Variants in GRIN2B observed in about 807,000 individuals in gnomAD.
The protein encoded by GRIN2B is glutamate receptor ionotropic, NMDA 2B.
In GRIN2B, 5 loss-of-function variants were observed where a neutral mutation model predicts 114.5. The observed-to-expected ratio is 0.04, with a 90% CI of 0.02 to 0.09. GRIN2B has a LOEUF of 0.09. Ranked by LOEUF, GRIN2B falls within the 10% of genes least tolerant of loss-of-function variation. The pLI is 1.00. For synonymous variants in GRIN2B, 787 were observed against 745.1 expected (o/e 1.06, Z -0.92); for missense variants, 1,108 against 1,943.5 (o/e 0.57, Z 8.08).
At chr12:13,935,930 T>C (rs974338018) in intron 2 of GRIN2B, among the ~76,000 whole-genome samples, 25 of 152,160 alleles carry the variant, frequency 1.6e-4, no homozygotes, top group African/African-American at 5.8e-4. Context: ...GAGCCCATAA[T>C]CATCCTGGCT....
intron 4 of GRIN2B, among the ~76,000 whole-genome samples, chr12:13,737,872 T>C (rs1863213228): frequency 6.6e-6 from 1 of 152,256 alleles, no homozygotes; most frequent in Non-Finnish European, 1.5e-5. Context: ...TTCCAAGTGT[T>C]TAATCAGATA....
rs1323847688 is a variant in GRIN2B at position 13,547,975 on chromosome 12, A to ATTTT, written c.*14807_*14808insAAAA. 1.4e-4 allele frequency: 7 copies of ATTTT among 49,852 alleles called. No homozygotes were observed. Among genetic ancestry groups the ATTTT allele is most frequent in the African/African-American group, 3.0e-4 (5 of 16,930 alleles). 3.1% of individuals were successfully genotyped at this position (49,852 alleles called of 1,614,324 possible). On this transcript the variant is annotated 3_prime_UTR_variant, in exon 14 of 14. Coordinates refer to ENST00000609686, the MANE Select transcript of GRIN2B (RefSeq NM_000834.5). ...TATGTGTGTGTATATATATATATAT[A>ATTTT]TATATATTTTTTTTTTTTTTCTGAA...
rs568738777 is a variant in GRIN2B, at chr12:13,943,058, G to T, written c.-19+36870C>A. Among the ~76,000 whole-genome samples, 19 of 152,162 alleles carry T rather than the reference G, an allele frequency of 1.2e-4. 1 individual carries two copies. The highest frequency in any genetic ancestry group is 3.4e-3 in the Middle Eastern group (1 of 294). On this transcript the variant is annotated intron_variant, in intron 2 of 13. Coordinates refer to ENST00000609686, the MANE Select transcript of GRIN2B (RefSeq NM_000834.5). ...GGGGTGGAGCAAGGGATGCCACAGG[G>T]AATTAGGGGACCTGACTTCTAGCCT...
Position 13,551,899 on chromosome 12 carries a change from C to G in GRIN2B, c.*10884G>C, listed in dbSNP as rs942856483. 1 of 151,998 alleles carries G rather than the reference C, an allele frequency of 6.6e-6. No individual in the cohort carries two copies. Among genetic ancestry groups the G allele is most frequent in the Non-Finnish European group, 1.5e-5 (1 of 67,994 alleles). The allele number at this position is 151,998 out of a possible 1,614,324, so 9.4% of individuals were successfully genotyped here. A position where few individuals can be genotyped will look rare whatever the true frequency, so the allele number is the denominator to read the frequency against. On this transcript the variant is annotated 3_prime_UTR_variant, in exon 14 of 14. Transcript: ENST00000609686. ...AAAATCAATTACAATTAAAATGTGA[C>G]AATGACAGTTAACTGCAAGACTGTT...
intron 3 of GRIN2B, among the ~76,000 whole-genome samples, chr12:13,834,214 T>TG (rs1473526873): frequency 6.8e-6 from 1 of 148,056 alleles, no homozygotes; most frequent in East Asian, 2.0e-4. Context: ...TTTTTTTTTT[T>TG]TTTTAGTAGA....
In GRIN2B at chr12:13,550,887, G is replaced by A. The variant is rs1036205001; in HGVS notation, c.*11896C>T. 5.3e-5 allele frequency: 8 copies of A among 152,158 alleles called. No individual in the cohort carries two copies. Among genetic ancestry groups the A allele is most frequent in the Non-Finnish European group, 8.8e-5 (6 of 68,028 alleles). 9.4% of individuals were successfully genotyped at this position (152,158 alleles called of 1,614,324 possible). On this transcript the variant is annotated 3_prime_UTR_variant, in exon 14 of 14. Transcript: ENST00000609686. Reference sequence around the variant, plus strand: ...GCTGCTCAGAGTCAACTCAGGATAAGTATACCTCAAGATGAATAAATTGAG... The same window carrying A: ...GCTGCTCAGAGTCAACTCAGGATAAATATACCTCAAGATGAATAAATTGAG...
intron 2 of GRIN2B, among the ~76,000 whole-genome samples, chr12:13,903,905 A>C (rs1866498069): frequency 1.3e-5 from 2 of 152,162 alleles, no homozygotes; most frequent in South Asian, 4.1e-4. Flanking sequence ...TAAGATGTTT[A>C]CATTATAATC....
rs1182106568 is a variant in GRIN2B, at chr12:13,615,110, T to TTACC, written c.1654_1654+3dup. The TTACC allele has an allele frequency of 9.9e-6, 16 of 1,611,522 alleles. No homozygotes were observed. Among genetic ancestry groups the TTACC allele is most frequent in the Non-Finnish European group, 1.3e-5 (15 of 1,177,738 alleles). On this transcript the variant is annotated splice_donor_region_variant and intron_variant, in intron 8 of 13. Coordinates refer to ENST00000609686, the MANE Select transcript of GRIN2B (RefSeq NM_000834.5). The surrounding 1 kb of genome is among the most constrained non-coding windows in gnomAD (Gnocchi z 5.8). The stretch of plus-strand genomic sequence containing the variant: ...TTCCTTCCACCAGCAAACCCATCAT[T>TTACC]TACCTAAGAAGGCAGAAGGTGAGAC...
intron 3 of GRIN2B, among the ~76,000 whole-genome samples, chr12:13,788,019 G>A (rs965955067): frequency 1.3e-5 from 2 of 152,170 alleles, no homozygotes; most frequent in Admixed American, 6.5e-5. Context: ...TGGAGCCCTC[G>A]TGAACCTTAA....
chr12:13,887,086 C>T (rs1299754847), intron 2 of GRIN2B, among the ~76,000 whole-genome samples: 2 of 152,142 alleles, frequency 1.3e-5, no homozygotes, highest in East Asian at 3.9e-4. Context: ...CTCTTAATCA[C>T]TACCCTATAT....
intron 3 of GRIN2B, among the ~76,000 whole-genome samples, chr12:13,819,636 T>A (rs983001752): frequency 6.6e-6 from 1 of 152,146 alleles, no homozygotes; most frequent in Admixed American, 6.5e-5. Flanking sequence ...CACATAAACA[T>A]TTCTCCCACA....
chr12:13,792,313 A>C (rs7314871), intron 3 of GRIN2B, among the ~76,000 whole-genome samples: 17,662 of 152,294 alleles, frequency 0.12, 1,130 homozygotes, highest in East Asian at 0.16. Context: ...AAAGGAAGGA[A>C]TCAAACAAGC....
At chr12:13,761,120 C>T (rs1487472346) in intron 3 of GRIN2B, among the ~76,000 whole-genome samples, 1 of 152,200 alleles carries the variant, frequency 6.6e-6, no homozygotes, top group African/African-American at 2.4e-5. Flanking sequence ...TCTTTAAACC[C>T]TTGCACACAA....
chr12:13,721,503 A>G (rs1318823594), intron 4 of GRIN2B, among the ~76,000 whole-genome samples: 1 of 152,010 alleles, frequency 6.6e-6, no homozygotes, highest in African/African-American at 2.4e-5. Flanking sequence ...TGTGTTGGAT[A>G]TCGGTGTAAG....
chr12:13,697,501 T>C (rs763047870), intron 4 of GRIN2B, among the ~76,000 whole-genome samples: 1 of 152,224 alleles, frequency 6.6e-6, no homozygotes, highest in South Asian at 2.1e-4. Flanking sequence ...GGTGCTACAG[T>C]CACTAGAAGG....
At chr12:13,957,172 A>G (rs1234436530) in intron 2 of GRIN2B, among the ~76,000 whole-genome samples, 3 of 152,108 alleles carry the variant, frequency 2.0e-5, no homozygotes, top group African/African-American at 7.2e-5. Context: ...GGGATCTGTC[A>G]TTTTCTGTTG....
intron 4 of GRIN2B, among the ~76,000 whole-genome samples, chr12:13,718,447 G>A (rs971168053): frequency 2.0e-5 from 3 of 151,952 alleles, no homozygotes; most frequent in South Asian, 2.1e-4. Flanking sequence ...GCCAAGACCC[G>A]GACTGGACCG....
At chr12:13,591,996 T>A (rs1949015107) in intron 10 of GRIN2B, among the ~76,000 whole-genome samples, 2 of 152,182 alleles carry the variant, frequency 1.3e-5, no homozygotes, top group Admixed American at 1.3e-4. Flanking sequence ...ATTTACTCAT[T>A]TAATAAACTT....
intron 3 of GRIN2B, among the ~76,000 whole-genome samples, chr12:13,776,927 C>A (rs74065289): frequency 0.016 from 2,440 of 152,252 alleles, 70 homozygotes; most frequent in African/African-American, 0.056. Flanking sequence ...GTAGCTTTGG[C>A]TGTGCTGCTT....
Sources: gnomAD v4.1 joint callset for allele counts (sites outside exome capture counted in the v4.1 genomes callset) on GRCh38, gnomAD v4.1.1 for gene constraint, Gnocchi (gnomAD v3.1) non-coding constraint, MANE v1.5 for transcripts, NCBI Gene and HGNC (gene_info 2026-07-23, HGNC 2026-07-21) for gene names.